DSCAM: variants seen among roughly 807,000 people sequenced by gnomAD.
DSCAM encodes the protein cell adhesion molecule DSCAM.
In DSCAM, 47 loss-of-function variants were observed where a neutral mutation model predicts 217.7. The ratio of observed to expected loss-of-function variants is 0.22; its 90% CI spans 0.17 to 0.28. The LOEUF is 0.28. Ranked by LOEUF, DSCAM falls within the 10% of genes least tolerant of loss-of-function variation. The pLI, the probability that DSCAM is intolerant of heterozygous loss-of-function variation, is 1.00. For missense variants in DSCAM, 2,080 were observed against 2,618.3 expected (o/e 0.79, Z 4.49); for synonymous variants, 1,056 against 1,015.3 (o/e 1.04, Z -0.76).
intron 3 of DSCAM, among the ~76,000 whole-genome samples, chr21:40,424,959 A>G (rs932170886): frequency 5.3e-5 from 8 of 151,980 alleles, no homozygotes; most frequent in African/African-American, 1.7e-4. Flanking sequence ...TTAGCTGGGC[A>G]TGGGGATGGG....
chr21:40,686,461 A>G (rs1016564809), intron 3 of DSCAM, among the ~76,000 whole-genome samples: 1 of 152,082 alleles, frequency 6.6e-6, no homozygotes, highest in African/African-American at 2.4e-5. Flanking sequence ...CGCACATCAC[A>G]CACATGTACA....
At chr21:40,566,944 C>T (rs980354251) in intron 3 of DSCAM, among the ~76,000 whole-genome samples, 6 of 151,916 alleles carry the variant, frequency 3.9e-5, no homozygotes, top group African/African-American at 9.7e-5. Flanking sequence ...GACCCAAGTC[C>T]GTAAGCACAA....
intron 3 of DSCAM, among the ~76,000 whole-genome samples, chr21:40,488,110 A>T (rs995375020): frequency 6.6e-6 from 1 of 152,176 alleles, no homozygotes; most frequent in Non-Finnish European, 1.5e-5. Context: ...AAGGCTCCAC[A>T]TTAATCAAAA....
In DSCAM at chr21:40,064,191, A is replaced by T. The variant is rs117776624; in HGVS notation, c.4889-1292T>A. On this transcript the variant is annotated intron_variant, in intron 27 of 32. Coordinates refer to ENST00000400454, the MANE Select transcript of DSCAM (RefSeq NM_001389.5). The stretch of plus-strand genomic sequence containing the variant: ...TATACATACACACACACACATATAT[A>T]TACACATACATATAATGCCAGAAGC... Among the ~76,000 whole-genome samples, 717 of 152,120 alleles carry T rather than the reference A, an allele frequency of 4.7e-3. 5 individuals carry two copies. The highest frequency in any genetic ancestry group is 8.5e-3 in the Non-Finnish European group (578 of 68,016).
chr21:40,264,652 G>A (rs980056727), intron 11 of DSCAM, among the ~76,000 whole-genome samples: 5 of 152,092 alleles, frequency 3.3e-5, no homozygotes, highest in South Asian at 4.2e-4. Context: ...GCAAGACAAC[G>A]ATGCCCACTT....
rs529782197 is a variant in DSCAM, at chr21:40,478,100, C to A, written c.509-108855G>T. ...TTGGAAGTTTATGTAAATAGAACCA[C>A]ACAGAATATATTCTCTTGTGTCTGT... On this transcript the variant is annotated intron_variant, in intron 3 of 32. Coordinates refer to ENST00000400454, the MANE Select transcript of DSCAM (RefSeq NM_001389.5). Among the ~76,000 whole-genome samples the A allele has an allele frequency of 2.0e-5, 3 of 152,194 alleles. No homozygotes were observed. The East Asian group carries it at 5.8e-4, about 29-fold the overall frequency.
intron 23 of DSCAM, 137 bp downstream of exon 23, chr21:40,085,465 T>C (rs532327139): frequency 2.7e-6 from 2 of 732,662 alleles, no homozygotes; most frequent in South Asian, 5.0e-5. Flanking sequence ...AATGAACATG[T>C]GTTTTCTTTT....
chr21:40,538,391 G>T (rs1368599429), intron 3 of DSCAM, among the ~76,000 whole-genome samples: 1 of 152,138 alleles, frequency 6.6e-6, no homozygotes, highest in African/African-American at 2.4e-5. Context: ...CAACCAAAAT[G>T]CGCCACTCCC....
Position 40,181,044 on chromosome 21 carries a change from C to T in DSCAM, c.2780-1950G>A, listed in dbSNP as rs193069860. Reference sequence around the variant, plus strand: ...TGTAGCAACTACCACTAACTCCCTCCAATGGGCTGGGGGACCCGTTACAAA... The same window carrying T: ...TGTAGCAACTACCACTAACTCCCTCTAATGGGCTGGGGGACCCGTTACAAA... On this transcript the variant is annotated intron_variant, in intron 14 of 32. Coordinates refer to ENST00000400454, the MANE Select transcript of DSCAM (RefSeq NM_001389.5). Among the ~76,000 whole-genome samples, 253 of 152,242 alleles carry T rather than the reference C, an allele frequency of 1.7e-3. 1 individual carries two copies. Among genetic ancestry groups the T allele is most frequent in the African/African-American group, 5.6e-3 (233 of 41,550 alleles).
At chr21:40,145,915 A>T (rs1212220689) in intron 16 of DSCAM, among the ~76,000 whole-genome samples, 5 of 151,782 alleles carry the variant, frequency 3.3e-5, no homozygotes, top group African/African-American at 9.7e-5. Context: ...GTAGACTTTC[A>T]GGCAGTCAAC....
chr21:40,420,919 C>T lies in DSCAM; in HGVS notation c.509-51674G>A, dbSNP rs186483900. On this transcript the variant is annotated intron_variant, in intron 3 of 32. Coordinates refer to ENST00000400454, the MANE Select transcript of DSCAM (RefSeq NM_001389.5). ...GATCTCAGACTTCCAGCCTCCAAAA[C>T]TGGGAGATGATGCATTTCTTTCGCT... is the stretch of plus-strand genomic sequence containing the variant. Among the ~76,000 whole-genome samples the T allele has an allele frequency of 1.2e-4, 19 of 152,268 alleles. 1 individual carries two copies. The highest frequency in any genetic ancestry group is 4.3e-4 in the African/African-American group (18 of 41,554).
chr21:40,516,552 G>A (rs929876136), intron 3 of DSCAM, among the ~76,000 whole-genome samples: 14 of 152,104 alleles, frequency 9.2e-5, no homozygotes, highest in African/African-American at 3.1e-4. Flanking sequence ...GGCCAGGCAC[G>A]GCAACACACA....
At chr21:40,253,323 T>C (rs1184083460) in intron 11 of DSCAM, among the ~76,000 whole-genome samples, 2 of 152,230 alleles carry the variant, frequency 1.3e-5, no homozygotes, top group Non-Finnish European at 1.5e-5. Flanking sequence ...GCCAAATAAA[T>C]TGCATGTATT....
intron 3 of DSCAM, among the ~76,000 whole-genome samples, chr21:40,533,639 A>ACCTG (rs2076471154): frequency 8.1e-6 from 1 of 123,246 alleles, no homozygotes; most frequent in Non-Finnish European, 1.6e-5. Context: ...CCCTCCATCC[A>ACCTG]TCTGTCCATC....
chr21:40,735,751 G>T (rs2091057206), intron 1 of DSCAM, among the ~76,000 whole-genome samples: 1 of 152,192 alleles, frequency 6.6e-6, no homozygotes, highest in Non-Finnish European at 1.5e-5. Context: ...ACCCAAATCT[G>T]TTGCATTCTG....
intron 3 of DSCAM, among the ~76,000 whole-genome samples, chr21:40,416,123 G>T (rs542977976): frequency 1.6e-4 from 24 of 152,198 alleles, no homozygotes; most frequent in Admixed American, 3.3e-4. Flanking sequence ...TGGACATGAG[G>T]GGATCCCCTT....
intron 4 of DSCAM, among the ~76,000 whole-genome samples, chr21:40,362,578 C>G (rs1280616395): frequency 6.6e-6 from 1 of 152,162 alleles, no homozygotes; most frequent in Non-Finnish European, 1.5e-5. Flanking sequence ...ATGGAATTTT[C>G]TAATTGTGTC....
At chr21:40,646,598 G>T (rs1406085431) in intron 3 of DSCAM, among the ~76,000 whole-genome samples, 1 of 152,190 alleles carries the variant, frequency 6.6e-6, no homozygotes, top group Non-Finnish European at 1.5e-5. Context: ...AATATTTAGA[G>T]ATGACAGAAA....
chr21:40,479,827 T>C (rs2837650), intron 3 of DSCAM, among the ~76,000 whole-genome samples: 28,946 of 152,082 alleles, frequency 0.19, 2,890 homozygotes, highest in South Asian at 0.23. Flanking sequence ...GCAGTAAAAA[T>C]GAATATCCTA....
Sources: gnomAD v4.1 joint callset for allele counts (sites outside exome capture counted in the v4.1 genomes callset) on GRCh38, gnomAD v4.1.1 for gene constraint, MANE v1.5 for transcripts, NCBI Gene and HGNC (gene_info 2026-07-23, HGNC 2026-07-21) for gene names.